Variants in PACS1 observed in about 807,000 individuals in gnomAD.
The protein encoded by PACS1 is PACS-1.
PACS1 carries 24 observed loss-of-function variants against 115.0 expected under a neutral mutation model. That is an observed-to-expected ratio of 0.21 (90% CI 0.15 to 0.29). The LOEUF is 0.29. Ranked by LOEUF, PACS1 falls within the 10% of genes least tolerant of loss-of-function variation. The probability of loss-of-function intolerance (pLI) is 1.00; values close to 1 mark genes in which losing one functional copy is unlikely to be tolerated. For synonymous variants in PACS1, 453 were observed against 504.5 expected, an observed-to-expected ratio of 0.90 and a Z score of 1.37; for missense variants, 838 against 1,251.2, an observed-to-expected ratio of 0.67 and a Z score of 4.98.
In PACS1 at chr11:66,219,786, G is replaced by C; in HGVS notation, c.1019G>C (p.Arg340Pro). 1.2e-6 allele frequency: 2 copies of C among 1,613,346 alleles called. No individual in the cohort carries two copies. The highest frequency in any genetic ancestry group is 1.7e-6 in the Non-Finnish European group (2 of 1,179,406). ...IKQKFVALLK[R>P]FKVSDEVGFG... ...CAGAAGTTTGTGGCCCTCCTGAAGCGGTTTAAAGTTTCAGATGAGGTATGG... is the reference window on the plus strand; with the variant it reads ...CAGAAGTTTGTGGCCCTCCTGAAGCCGTTTAAAGTTTCAGATGAGGTATGG... Residue 340 changes from arginine (R) to proline (P), a missense_variant, in exon 8 of 24, where the codon CGG becomes CCG. Around this residue, in one of 6 missense-constraint regions of PACS1, gnomAD observed 223 missense variants for 354.0 expected, o/e 0.63. Transcript: ENST00000320580.
In PACS1 at chr11:66,200,842, CT is replaced by C. The variant is rs373372144; in HGVS notation, c.444+7279del. On this transcript the variant is annotated intron_variant, in intron 2 of 23. Coordinates refer to ENST00000320580, the MANE Select transcript of PACS1 (RefSeq NM_018026.4). ...TTTCTTCCAATGGCTGCAGAATACA[CT>C]TTTTTTTTTCATTAGCATGTGGATC... is the stretch of plus-strand genomic sequence containing the variant. Among the ~76,000 whole-genome samples, 4 of 148,930 alleles carry C rather than the reference CT, an allele frequency of 2.7e-5. No individual in the cohort carries two copies. The East Asian group carries it at 5.9e-4, about 22-fold the overall frequency.
At position 66,190,398 on chromosome 11, in the gene PACS1, C is replaced by T. The variant is rs954713523; in HGVS notation, c.357-3088C>T. 2.0e-5 allele frequency among the ~76,000 whole-genome samples: 3 copies of T among 152,102 alleles called. No homozygotes were observed. The East Asian group carries it at 5.8e-4, about 29-fold the overall frequency. On this transcript the variant is annotated intron_variant, in intron 1 of 23. Coordinates refer to ENST00000320580, the MANE Select transcript of PACS1 (RefSeq NM_018026.4). The stretch of plus-strand genomic sequence containing the variant: ...GCACAAAATTCAGTTAAACAATGTA[C>T]GTAGTTAACTACATTTGTTTTTGTT...
At chr11:66,107,778 AC>A (rs1858084426) in intron 1 of PACS1, among the ~76,000 whole-genome samples, 1 of 152,228 alleles carries the variant, frequency 6.6e-6, no homozygotes, top group South Asian at 2.1e-4. Flanking sequence ...TGTTTTGAGT[AC>A]TAAGAACAAT....
chr11:66,168,184 G>A (rs1309016736), intron 1 of PACS1, among the ~76,000 whole-genome samples: 1 of 150,212 alleles, frequency 6.7e-6, no homozygotes, highest in Non-Finnish European at 1.5e-5. Context: ...TGACAGGCAT[G>A]AGCCACCATG....
intron 1 of PACS1, among the ~76,000 whole-genome samples, chr11:66,103,551 C>G (rs1197308133): frequency 8.2e-6 from 1 of 121,910 alleles, no homozygotes. Context: ...GAGGCGGAAT[C>G]TGGGGCTGGA....
rs143092838 is a variant in PACS1 at position 66,101,133 on chromosome 11, G to T, written c.356+30291G>T. Among the ~76,000 whole-genome samples, 76 of 152,312 alleles carry T rather than the reference G, an allele frequency of 5.0e-4. No homozygotes were observed. In the East Asian group the frequency reaches 6.7e-3, roughly 14 times the overall value. ...GAATTTAAAAATATACTATTTTCTG[G>T]AAGAATGGAAGATTCATTTGTACAG... On this transcript the variant is annotated intron_variant, in intron 1 of 23. Coordinates refer to ENST00000320580, the MANE Select transcript of PACS1 (RefSeq NM_018026.4).
chr11:66,216,457 A>T, intron 5 of PACS1, 63 bp from the exon 6 acceptor site: 1 of 1,502,980 alleles, frequency 6.7e-7, no homozygotes, highest in South Asian at 1.1e-5. Flanking sequence ...ATTCCAGCCC[A>T]TCGAAGTTTC....
At chr11:66,079,553 C>T (rs1857450280) in intron 1 of PACS1, among the ~76,000 whole-genome samples, 1 of 152,076 alleles carries the variant, frequency 6.6e-6, no homozygotes, top group African/African-American at 2.4e-5. Context: ...ACCTCTGCCA[C>T]CTTAGTCCTT....
chr11:66,077,772 G>T (rs989414251), intron 1 of PACS1, among the ~76,000 whole-genome samples: 1 of 144,796 alleles, frequency 6.9e-6, no homozygotes, highest in Non-Finnish European at 1.5e-5. Context: ...GCGCAGTCTC[G>T]GCTCACGGAA....
chr11:66,188,611 T>C (rs1374258992), intron 1 of PACS1, among the ~76,000 whole-genome samples: 1 of 152,172 alleles, frequency 6.6e-6, no homozygotes, highest in Non-Finnish European at 1.5e-5. Context: ...GACTCTTCTC[T>C]TCAGGCCTTG....
intron 1 of PACS1, among the ~76,000 whole-genome samples, chr11:66,097,505 A>G (rs1344954612): frequency 1.3e-5 from 2 of 152,196 alleles, no homozygotes; most frequent in Admixed American, 1.3e-4. Context: ...AACAGATCCT[A>G]TCCCACTCAG....
At chr11:66,230,984 C>T (rs1274997732) in intron 13 of PACS1, 44 bp downstream of exon 13, 1 of 1,610,778 alleles carries the variant, frequency 6.2e-7, no homozygotes, top group Non-Finnish European at 8.5e-7. Flanking sequence ...TCTGAGATTC[C>T]CTGAACTTCA....
intron 1 of PACS1, among the ~76,000 whole-genome samples, chr11:66,130,612 C>T (rs1440023499): frequency 6.6e-6 from 1 of 152,120 alleles, no homozygotes; most frequent in Non-Finnish European, 1.5e-5. Context: ...TGATAATTCT[C>T]ATTCTGATCC....
At chr11:66,230,707 T>A (rs2134735510) in intron 12 of PACS1, 44 bp downstream of exon 12, 2 of 1,611,214 alleles carry the variant, frequency 1.2e-6, no homozygotes, top group Non-Finnish European at 1.7e-6. Context: ...CCTGCAGCTG[T>A]GCTTAGCATG....
intron 20 of PACS1, 62 bp downstream of exon 20, chr11:66,238,908 G>C: frequency 2.0e-6 from 3 of 1,493,806 alleles, no homozygotes; most frequent in Non-Finnish European, 9.1e-7. Context: ...CTTCCCTCTA[G>C]TCCAGCAGGC....
intron 2 of PACS1, among the ~76,000 whole-genome samples, chr11:66,201,520 TTAA>T (rs1383262896): frequency 3.3e-5 from 5 of 151,740 alleles, no homozygotes; most frequent in African/African-American, 1.2e-4. Context: ...AATAAACAAC[TTAA>T]TGATGCTTCT....
chr11:66,229,211 CAAAAAAAAAA>C (rs386374029), intron 11 of PACS1, among the ~76,000 whole-genome samples: 16 of 63,222 alleles, frequency 2.5e-4, no homozygotes, highest in East Asian at 4.9e-4. Flanking sequence ...CCCGTCTCTA[CAAAAAAAAAA>C]AAAAAAAAAA....
chr11:66,070,676 G>A lies in PACS1; in HGVS notation c.190G>A (p.Ala64Thr). ...TSSSSSTSAA[A>T]ASSSSSSTST... is the part of the protein sequence containing the mutation. The stretch of plus-strand genomic sequence containing the variant: ...GTCGTCCTCGTCCACCTCGGCGGCG[G>A]CTGCCTCCTCCTCGTCCTCGTCTAC... Residue 64 changes from alanine to threonine, a missense_variant, in exon 1 of 24, where the codon GCT (alanine) becomes ACT (threonine). Around this residue, in one of 6 missense-constraint regions of PACS1, gnomAD observed 129 missense variants for 109.4 expected, o/e 1.18. Coordinates refer to ENST00000320580, the MANE Select transcript of PACS1 (RefSeq NM_018026.4). This position sits in a 1 kb window ranked among gnomAD's most constrained non-coding sequence, Gnocchi z 5.9. 1.3e-6 allele frequency: 2 copies of A among 1,573,136 alleles called. No individual in the cohort carries two copies. The highest frequency in any genetic ancestry group is 1.7e-5 in the Admixed American group (1 of 58,054).
At chr11:66,121,730 C>T (rs1256505211) in intron 1 of PACS1, among the ~76,000 whole-genome samples, 1 of 152,192 alleles carries the variant, frequency 6.6e-6, no homozygotes, top group Non-Finnish European at 1.5e-5. Context: ...AAGCTTGATT[C>T]AGTGCAAGAT....
Sources: gnomAD v4.1 joint callset for allele counts (sites outside exome capture counted in the v4.1 genomes callset) on GRCh38, gnomAD v4.1.1 for gene constraint, gnomAD v4.1.1 regional missense constraint, Gnocchi (gnomAD v3.1) non-coding constraint, MANE v1.5 for transcripts, NCBI Gene and HGNC (gene_info 2026-07-23, HGNC 2026-07-21) for gene names.